The following SFXN5 variants were observed in gnomAD, a reference collection of about 807,000 sequenced individuals.
SFXN5 encodes the protein sideroflexin-5.
Under a neutral mutation model 50.2 loss-of-function variants are expected in SFXN5, and 43 were observed. That is an observed-to-expected ratio of 0.86 (90% CI 0.67 to 1.11). SFXN5 has a LOEUF of 1.11. Among genes scored for constraint, SFXN5 ranks in the 50% least tolerant of loss-of-function variants. SFXN5 has a pLI of 0.00. For missense variants in SFXN5, 463 were observed against 454.1 expected (o/e 1.02, Z -0.18); for synonymous variants, 203 against 185.8 (o/e 1.09, Z -0.75).
intron 1 of SFXN5, 100 bp from the exon 2 acceptor site, chr2:73,058,696 T>A: frequency 9.7e-7 from 1 of 1,031,090 alleles, no homozygotes; most frequent in South Asian, 1.3e-5. Context: ...GGTCCCCCGG[T>A]CCCCAGGACT....
chr2:73,053,104 G>A (rs1369535060), intron 2 of SFXN5, among the ~76,000 whole-genome samples: 1 of 151,908 alleles, frequency 6.6e-6, no homozygotes, highest in East Asian at 1.9e-4. Context: ...TTGAGCCCAG[G>A]AGGCAGAGGC....
intron 13 of SFXN5, among the ~76,000 whole-genome samples, chr2:72,946,552 G>A (rs1671951354): frequency 6.6e-6 from 1 of 152,090 alleles, no homozygotes; most frequent in Non-Finnish European, 1.5e-5. Flanking sequence ...GGAGCCTCAG[G>A]TTCACAGCCG....
intron 8 of SFXN5, 65 bp from the exon 9 acceptor site, chr2:72,999,079 A>C: frequency 6.5e-7 from 1 of 1,547,416 alleles, no homozygotes; most frequent in East Asian, 2.3e-5. Context: ...TCCCCTTGTA[A>C]GCTGTCCCAG....
At chr2:73,058,650 C>T in intron 1 of SFXN5, 54 bp from the exon 2 acceptor site, 3 of 1,545,818 alleles carry the variant, frequency 1.9e-6, no homozygotes, top group Non-Finnish European at 2.7e-6. Context: ...GCACACCCTT[C>T]TCCAGACACT....
intron 6 of SFXN5, chr2:73,019,428 T>C (rs1038389551): frequency 3.3e-5 from 5 of 151,244 alleles, no homozygotes; most frequent in Admixed American, 2.0e-4. Context: ...CTTTTTTTTT[T>C]TTCTTTTTTT....
At chr2:73,001,625 C>A in intron 6 of SFXN5, 47 bp from the exon 7 acceptor site, 1 of 1,595,788 alleles carries the variant, frequency 6.3e-7, no homozygotes, top group South Asian at 1.1e-5. Context: ...AAGAAACATC[C>A]TATGCTTTTG....
At chr2:72,962,737 T>C (rs916211330) in intron 12 of SFXN5, among the ~76,000 whole-genome samples, 3 of 152,206 alleles carry the variant, frequency 2.0e-5, no homozygotes, top group Non-Finnish European at 2.9e-5. Flanking sequence ...ATTATTGCTG[T>C]TGTTATTGCT....
Position 72,992,530 on chromosome 2 carries a change from C to T in SFXN5, c.535-4182G>A, listed in dbSNP as rs1021162826. 6.6e-5 allele frequency among the ~76,000 whole-genome samples: 10 copies of T among 152,178 alleles called. No individual in the cohort carries two copies. The highest frequency in any genetic ancestry group is 6.5e-5 in the Admixed American group (1 of 15,274). On this transcript the variant is annotated intron_variant, in intron 9 of 13. Coordinates refer to ENST00000272433, the MANE Select transcript of SFXN5 (RefSeq NM_144579.3). This position sits in a 1 kb window ranked among gnomAD's most constrained non-coding sequence, Gnocchi z 4.5. ...CCCAAATGAAGGTTGTCTCGTTCTT[C>T]CTCACCCACACCCCAGCCTCCTCGC...
intron 6 of SFXN5, among the ~76,000 whole-genome samples, chr2:73,014,151 T>C (rs527972780): frequency 5.9e-5 from 9 of 152,302 alleles, no homozygotes; most frequent in African/African-American, 2.2e-4. Context: ...CATTTTCTTG[T>C]TGATGGAATT....
chr2:73,040,374 C>T lies in SFXN5; in HGVS notation c.249+480G>A, dbSNP rs570870328. Among the ~76,000 whole-genome samples, 7 of 152,270 alleles carry T rather than the reference C, an allele frequency of 4.6e-5. No individual in the cohort carries two copies. In the East Asian group the frequency reaches 1.3e-3, roughly 29 times the overall value. ...TAAAAAAGAATAAAACAACAGTATC[C>T]TAATCCTAATCCTCAACATCCTCCC... On this transcript the variant is annotated intron_variant, in intron 3 of 13. Coordinates refer to ENST00000272433, the MANE Select transcript of SFXN5 (RefSeq NM_144579.3).
At position 73,071,188 on chromosome 2, in the gene SFXN5, G is replaced by A. The variant is rs527827502; in HGVS notation, c.102+416C>T. On this transcript the variant is annotated intron_variant, in intron 1 of 13. Coordinates refer to ENST00000272433, the MANE Select transcript of SFXN5 (RefSeq NM_144579.3). Reference sequence around the variant, plus strand: ...TCCCCACCGGGGGAAAAAGTTAGAAGGCATCCCGGCCACGCCAACTTCCCA... The same window carrying A: ...TCCCCACCGGGGGAAAAAGTTAGAAAGCATCCCGGCCACGCCAACTTCCCA... 18 of 174,314 alleles carry A rather than the reference G, an allele frequency of 1.0e-4. No homozygotes were observed. The East Asian group carries it at 2.9e-3, about 28-fold the overall frequency. 10.8% of individuals were successfully genotyped at this position (174,314 alleles called of 1,614,324 possible).
chr2:73,059,360 C>T (rs181241246), intron 1 of SFXN5: 3 of 985,400 alleles, frequency 3.0e-6, no homozygotes, highest in Admixed American at 6.1e-5. Context: ...AAGCTGCAAT[C>T]GCTGGGGTTC....
At chr2:73,027,959 G>A (rs1159113889) in intron 3 of SFXN5, among the ~76,000 whole-genome samples, 1 of 152,100 alleles carries the variant, frequency 6.6e-6, no homozygotes, top group Non-Finnish European at 1.5e-5. Flanking sequence ...ACCGTGCCTG[G>A]CCCCATCTTT....
At chr2:73,069,233 A>T (rs995377833) in intron 1 of SFXN5, among the ~76,000 whole-genome samples, 2 of 152,164 alleles carry the variant, frequency 1.3e-5, no homozygotes, top group East Asian at 3.9e-4. Context: ...GAAGGACTGG[A>T]AGAGGGCCAG....
At chr2:73,009,121 G>C (rs1574105194) in intron 6 of SFXN5, among the ~76,000 whole-genome samples, 1 of 152,156 alleles carries the variant, frequency 6.6e-6, no homozygotes, top group African/African-American at 2.4e-5. Context: ...ACATTCGCTG[G>C]CACCCTCGTT....
intron 11 of SFXN5, among the ~76,000 whole-genome samples, chr2:72,968,770 CCTCT>C (rs375532594): frequency 9.9e-5 from 15 of 151,144 alleles, no homozygotes; most frequent in African/African-American, 1.9e-4. Context: ...TTTTTTCTTT[CCTCT>C]CTCTTTCTTT....
rs571451023 is a variant in SFXN5, at chr2:73,003,400, C to T, written c.358-1822G>A. On this transcript the variant is annotated intron_variant, in intron 6 of 13. Coordinates refer to ENST00000272433, the MANE Select transcript of SFXN5 (RefSeq NM_144579.3). ...AGATACAGCCCAATAGCACTCACTGCATTTACCAGACAACTGCTGTCCAGG... is the reference window on the plus strand; with the variant it reads ...AGATACAGCCCAATAGCACTCACTGTATTTACCAGACAACTGCTGTCCAGG... 7.9e-4 allele frequency among the ~76,000 whole-genome samples: 120 copies of T among 152,336 alleles called. 1 individual carries two copies. The highest frequency in any genetic ancestry group is 9.4e-4 in the African/African-American group (39 of 41,584).
At chr2:72,962,336 G>A (rs1225644230) in intron 12 of SFXN5, among the ~76,000 whole-genome samples, 1 of 152,252 alleles carries the variant, frequency 6.6e-6, no homozygotes, top group East Asian at 1.9e-4. Flanking sequence ...CCTAGGGGCA[G>A]AGCCCCAATG....
intron 2 of SFXN5, among the ~76,000 whole-genome samples, chr2:73,048,592 G>C: frequency 6.6e-6 from 1 of 152,310 alleles, no homozygotes; most frequent in East Asian, 1.9e-4. Flanking sequence ...ATGATGAGCA[G>C]TTTTTATTTT....
Sources: allele counts gnomAD v4.1 joint callset (sites outside exome capture counted in the v4.1 genomes callset), GRCh38; gene constraint gnomAD v4.1.1; non-coding constraint Gnocchi (gnomAD v3.1); transcripts MANE v1.5; gene names NCBI Gene and HGNC (gene_info 2026-07-23, HGNC 2026-07-21).